Variants in PHF3 observed in about 807,000 individuals in gnomAD.
PHF3 encodes PHD finger protein 3.
Under a neutral mutation model 178.4 loss-of-function variants are expected in PHF3, and 41 were observed. The observed-to-expected ratio is 0.23, with a 90% CI of 0.18 to 0.30. The LOEUF is 0.30. Among genes scored for constraint, PHF3 ranks in the 10% least tolerant of loss-of-function variants. The probability of loss-of-function intolerance (pLI) is 1.00; values close to 1 mark genes in which losing one functional copy is unlikely to be tolerated. For missense variants in PHF3, 2,346 were observed against 2,398.1 expected, an observed-to-expected ratio of 0.98 and a Z score of 0.45; for synonymous variants, 842 against 800.5, an observed-to-expected ratio of 1.05 and a Z score of -0.88.
chr6:63,638,565 G>C (rs940516367), intron 1 of PHF3, among the ~76,000 whole-genome samples: 2 of 152,006 alleles, frequency 1.3e-5, no homozygotes, highest in Non-Finnish European at 2.9e-5. Context: ...ATTTAGGTTT[G>C]TGTATTACCA....
Position 63,720,876 on chromosome 6 carries a change from T to C in PHF3, c.*7168T>C. 2 of 1,551,178 alleles carry C rather than the reference T, an allele frequency of 1.3e-6. No individual in the cohort carries two copies. Among genetic ancestry groups the C allele is most frequent in the Non-Finnish European group, 8.7e-7 (1 of 1,146,620 alleles). On this transcript the variant is annotated 3_prime_UTR_variant, in exon 16 of 16. Coordinates refer to ENST00000262043, the MANE Select transcript of PHF3 (RefSeq NM_001370348.2). The stretch of plus-strand genomic sequence containing the variant: ...TATGTAGGCCTTGATAAGAGTCTGA[T>C]TTTGAATTACAACTACATGGTGCCA...
Position 63,721,630 on chromosome 6 carries a change from C to G in PHF3, c.*7922C>G, listed in dbSNP as rs1768396215. 1 of 1,551,128 alleles carries G rather than the reference C, an allele frequency of 6.4e-7. No homozygotes were observed. The highest frequency in any genetic ancestry group is 1.4e-5 in the African/African-American group (1 of 73,018). ...GAGGCCTTTTCTGTTACATTTATCC[C>G]ATCTAGATCCAGGTAGCCTTCTGCA... On this transcript the variant is annotated 3_prime_UTR_variant, in exon 16 of 16. Transcript: ENST00000262043.
chr6:63,700,332 A>G lies in PHF3; in HGVS notation c.2983-18A>G, dbSNP rs768050868. Reference sequence around the variant, plus strand: ...AATGTTTGTCTCCCCTTCTATTCCTATTTTAAAATCCTTCCAGATATTATT... The same window carrying G: ...AATGTTTGTCTCCCCTTCTATTCCTGTTTTAAAATCCTTCCAGATATTATT... On this transcript the variant is annotated intron_variant, in intron 8 of 15. Transcript: ENST00000262043. 2.4e-6 allele frequency: 3 copies of G among 1,244,844 alleles called. No homozygotes were observed. Among genetic ancestry groups the G allele is most frequent in the Non-Finnish European group, 3.5e-6 (3 of 864,918 alleles). The allele number at this position is 1,244,844 out of a possible 1,614,324, so 77.1% of individuals were successfully genotyped here.
At position 63,684,698 on chromosome 6, in the gene PHF3, G is replaced by A; in HGVS notation, c.976G>A (p.Val326Ile). ...AGTTGAACAAGATTCAAAGGAGACAGTAAAATTATCCCATGAAGATGACCA... is the reference window on the plus strand; with the variant it reads ...AGTTGAACAAGATTCAAAGGAGACAATAAAATTATCCCATGAAGATGACCA... The part of the protein sequence containing the change: ...RKVEQDSKET[V>I]KLSHEDDHIL... Residue 326 changes from valine (V) to isoleucine (I), a missense_variant, in exon 4 of 16, where the codon GTA (valine) becomes ATA (isoleucine). Coordinates refer to ENST00000262043, the MANE Select transcript of PHF3 (RefSeq NM_001370348.2). The A allele has an allele frequency of 6.2e-7, 1 of 1,613,700 alleles. No homozygotes were observed. The highest frequency in any genetic ancestry group is 8.5e-7 in the Non-Finnish European group (1 of 1,179,748).
chr6:63,654,068 G>A (rs11756799), intron 2 of PHF3, among the ~76,000 whole-genome samples: 5 of 152,028 alleles, frequency 3.3e-5, no homozygotes, highest in African/African-American at 1.2e-4. Context: ...AGGGATATTG[G>A]CCTCTAATTT....
chr6:63,684,719 G>T lies in PHF3; in HGVS notation c.997G>T (p.Asp333Tyr). 1 of 1,613,612 alleles carries T rather than the reference G, an allele frequency of 6.2e-7. No individual in the cohort carries two copies. Among genetic ancestry groups the T allele is most frequent in the South Asian group, 1.1e-5 (1 of 91,016 alleles). Residue 333 changes from aspartate to tyrosine, a missense_variant, in exon 4 of 16, where the codon GAC (aspartate) becomes TAC (tyrosine). By Grantham distance (160) the Asp-to-Tyr change is radical. Coordinates refer to ENST00000262043, the MANE Select transcript of PHF3 (RefSeq NM_001370348.2). ...KETVKLSHED[D>Y]HILEDAGSSD... ...GACAGTAAAATTATCCCATGAAGAT[G>T]ACCATATTCTTGAGGACGCTGGATC...
Position 63,712,426 on chromosome 6 carries a change from G to T in PHF3, c.4838G>T (p.Ser1613Ile). ...NNLQDNQTSNSSPCRSNVGKG... is the reference protein window; with the variant it reads ...NNLQDNQTSNISPCRSNVGKG... ...TTGCAAGATAACCAGACTTCAAATA[G>T]TTCTCCATGCAGATCTAATGTAGGA... Residue 1613 changes from serine to isoleucine, a missense_variant, in exon 16 of 16, where the codon AGT (serine) becomes ATT (isoleucine). Physicochemically the swap from Ser to Ile is moderately radical, Grantham distance 142. This residue lies in a region of PHF3 where 839 missense variants were observed against 806.9 expected (regional missense o/e 1.04). Coordinates refer to ENST00000262043, the MANE Select transcript of PHF3 (RefSeq NM_001370348.2). The T allele has an allele frequency of 1.2e-6, 2 of 1,613,980 alleles. No homozygotes were observed. Among genetic ancestry groups the T allele is most frequent in the Non-Finnish European group, 1.7e-6 (2 of 1,179,936 alleles).
rs1364675925 is a variant in PHF3 at position 63,719,598 on chromosome 6, A to G, written c.*5890A>G. 6.6e-6 allele frequency among the ~76,000 whole-genome samples: 1 copy of G among 152,116 alleles called. No homozygotes were observed. The highest frequency in any genetic ancestry group is 1.5e-5 in the Non-Finnish European group (1 of 67,978). ...TGAAAGTTCTGTTCACAATTGTATC[A>G]GTAACTGTTTTGGGAAAAATAATAT... On this transcript the variant is annotated 3_prime_UTR_variant, in exon 16 of 16. Coordinates refer to ENST00000262043, the MANE Select transcript of PHF3 (RefSeq NM_001370348.2).
chr6:63,639,895 G>A (rs1409198971), intron 1 of PHF3, among the ~76,000 whole-genome samples: 3 of 152,138 alleles, frequency 2.0e-5, no homozygotes, highest in African/African-American at 7.2e-5. Flanking sequence ...TGCTTATAAT[G>A]TCAGTTATGA....
In PHF3 at chr6:63,715,861, TTCTCAG is replaced by T. The variant is rs1466063774; in HGVS notation, c.*2156_*2161del. ...TCAATGAGTAGTAGATCCAAAGCCATTCTCAGTCCCAGGTACAACCAGCCTTACACA... is the reference window on the plus strand; with the variant it reads ...TCAATGAGTAGTAGATCCAAAGCCATTCCCAGGTACAACCAGCCTTACACA... On this transcript the variant is annotated 3_prime_UTR_variant, in exon 16 of 16. Transcript: ENST00000262043. Among the ~76,000 whole-genome samples the T allele has an allele frequency of 2.0e-5, 3 of 152,128 alleles. No homozygotes were observed. Among genetic ancestry groups the T allele is most frequent in the Non-Finnish European group, 4.4e-5 (3 of 68,004 alleles).
At chr6:63,645,830 A>G (rs141276192) in intron 1 of PHF3, among the ~76,000 whole-genome samples, 155 of 152,228 alleles carry the variant, frequency 1.0e-3, no homozygotes, top group African/African-American at 3.5e-3. Context: ...TAAATACATG[A>G]TGTAGATTGT....
chr6:63,691,600 C>G, intron 4 of PHF3, 137 bp from the exon 5 acceptor site: 1 of 709,590 alleles, frequency 1.4e-6, no homozygotes, highest in African/African-American at 1.8e-5. Context: ...GTATGTTGAA[C>G]TTATGGAACG....
At chr6:63,654,752 A>G (rs1267288484) in intron 2 of PHF3, among the ~76,000 whole-genome samples, 1 of 151,944 alleles carries the variant, frequency 6.6e-6, no homozygotes, top group Non-Finnish European at 1.5e-5. Context: ...TAAAAGGGGG[A>G]ACTTGTGGTT....
intron 9 of PHF3, among the ~76,000 whole-genome samples, chr6:63,701,152 T>A (rs1255414364): frequency 6.6e-6 from 1 of 152,214 alleles, no homozygotes; most frequent in Non-Finnish European, 1.5e-5. Flanking sequence ...TACAGGCTTA[T>A]CTCTTATCCA....
In PHF3 at chr6:63,717,184, CAT is replaced by C. The variant is rs1454749152; in HGVS notation, c.*3478_*3479del. 6.6e-6 allele frequency among the ~76,000 whole-genome samples: 1 copy of C among 152,038 alleles called. No homozygotes were observed. The highest frequency in any genetic ancestry group is 1.5e-5 in the Non-Finnish European group (1 of 67,976). On this transcript the variant is annotated 3_prime_UTR_variant, in exon 16 of 16. Coordinates refer to ENST00000262043, the MANE Select transcript of PHF3 (RefSeq NM_001370348.2). ...CACTCCATGTTAACGTGTGTGTTAA[CAT>C]AAAACTACCCGTCAACAGGTAACTT...
intron 2 of PHF3, among the ~76,000 whole-genome samples, chr6:63,661,059 G>A (rs1015491898): frequency 6.6e-6 from 1 of 152,016 alleles, no homozygotes; most frequent in African/African-American, 2.4e-5. Context: ...AATCAGTAAT[G>A]GGCTAGTTCA....
chr6:63,684,078 C>A, intron 3 of PHF3, 51 bp from the exon 4 acceptor site: 1 of 1,340,506 alleles, frequency 7.5e-7, no homozygotes, highest in South Asian at 1.4e-5. Context: ...GAAATAAAAG[C>A]ACATGACAAA....
At chr6:63,653,046 AT>A (rs930828650) in intron 2 of PHF3, among the ~76,000 whole-genome samples, 8 of 77,934 alleles carry the variant, frequency 1.0e-4, no homozygotes, top group East Asian at 3.7e-4. Flanking sequence ...GGTTCTGTGT[AT>A]TTTTTTTTGT....
intron 2 of PHF3, among the ~76,000 whole-genome samples, chr6:63,668,657 G>A (rs1561952622): frequency 2.0e-5 from 3 of 151,812 alleles, no homozygotes; most frequent in Non-Finnish European, 4.4e-5. Flanking sequence ...CTTTTTGATG[G>A]TTATAATGAG....
Sources: gnomAD v4.1 joint callset for allele counts (sites outside exome capture counted in the v4.1 genomes callset) on GRCh38, gnomAD v4.1.1 for gene constraint, gnomAD v4.1.1 regional missense constraint, MANE v1.5 for transcripts, NCBI Gene and HGNC (gene_info 2026-07-23, HGNC 2026-07-21) for gene names.